Variants in ANKRD26 observed in about 807,000 individuals in gnomAD.
The protein encoded by ANKRD26 is ankyrin repeat domain 26.
In ANKRD26, 141 loss-of-function variants were observed where a neutral mutation model predicts 208.7. The ratio of observed to expected loss-of-function variants is 0.68; its 90% CI spans 0.59 to 0.78. The LOEUF is 0.78. ANKRD26 is among the 30% of genes least tolerant of loss of function. The pLI is 0.00. For synonymous variants in ANKRD26, 636 were observed against 660.4 expected (o/e 0.96, Z 0.57); for missense variants, 1,889 against 1,938.7 (o/e 0.97, Z 0.48).
chr10:26,965,723 A>C, the ANKRD26 span, among the ~76,000 whole-genome samples: 1 of 152,220 alleles, frequency 6.6e-6, no homozygotes, highest in African/African-American at 2.4e-5. Context: ...AATTTTTGTA[A>C]TCTACCCATC....
At chr10:26,953,558 C>T in the ANKRD26 span, among the ~76,000 whole-genome samples, 3 of 152,054 alleles carry the variant, frequency 2.0e-5, no homozygotes, top group African/African-American at 4.8e-5. Flanking sequence ...CTCTGGTAAG[C>T]ACATTTATTG....
rs1339157647 is a variant in ANKRD26, at chr10:27,004,179, G to A, written c.*1411C>T. 1 of 152,156 alleles carries A rather than the reference G, an allele frequency of 6.6e-6. No homozygotes were observed. The highest frequency in any genetic ancestry group is 2.4e-5 in the African/African-American group (1 of 41,420). 9.4% of individuals were successfully genotyped at this position (152,156 alleles called of 1,614,324 possible). The stretch of plus-strand genomic sequence containing the variant: ...TCATATTCATCTAGAAAGACAGGAG[G>A]AGAAGGGGGAGAAAGGATAAAGTAA... On this transcript the variant is annotated 3_prime_UTR_variant, in exon 34 of 34. Transcript: ENST00000376087.
At chr10:27,060,227 C>G (rs2055004038) in intron 15 of ANKRD26, 118 bp downstream of exon 15, 1 of 1,054,366 alleles carries the variant, frequency 9.5e-7, no homozygotes, top group Admixed American at 2.3e-5. Context: ...TTTTTTAAAT[C>G]CTTCCAACAA....
chr10:26,964,272 G>C, the ANKRD26 span, among the ~76,000 whole-genome samples: 1 of 152,066 alleles, frequency 6.6e-6, no homozygotes, highest in Admixed American at 6.6e-5. Flanking sequence ...AAGAAGCCAT[G>C]GGTACAGAAA....
chr10:27,079,080 G>A lies in ANKRD26; in HGVS notation c.813+9C>T, dbSNP rs766093819. The A allele has an allele frequency of 3.7e-6, 6 of 1,606,320 alleles. No individual in the cohort carries two copies. Among genetic ancestry groups the A allele is most frequent in the South Asian group, 3.3e-5 (3 of 90,894 alleles). Reference sequence around the variant, plus strand: ...GTAAGAAAATTAAGTTCATGAGAGAGCACTTTACCTTAGTATCAAAATTGA... The same window carrying A: ...GTAAGAAAATTAAGTTCATGAGAGAACACTTTACCTTAGTATCAAAATTGA... On this transcript the variant is annotated intron_variant, in intron 7 of 33. Transcript: ENST00000376087.
rs563928995 is a variant in ANKRD26 at position 27,051,775 on chromosome 10, T to C, written c.1635+1545A>G. The C allele has an allele frequency of 4.0e-5, 39 of 985,360 alleles. No homozygotes were observed. In the South Asian group the frequency reaches 9.9e-4, roughly 25 times the overall value. 61.0% of individuals were successfully genotyped at this position (985,360 alleles called of 1,614,324 possible). The stretch of plus-strand genomic sequence containing the variant: ...TCTTTTTCATCGCAATCAAGTATAT[T>C]ATTTGTCAAAGAAGAAGGTATTTCC... On this transcript the variant is annotated intron_variant, in intron 16 of 33. Transcript: ENST00000376087.
At position 27,079,075 on chromosome 10, in the gene ANKRD26, A is replaced by C; in HGVS notation, c.813+14T>G. On this transcript the variant is annotated intron_variant, in intron 7 of 33. Transcript: ENST00000376087. The stretch of plus-strand genomic sequence containing the variant: ...TCAGAGTAAGAAAATTAAGTTCATG[A>C]GAGAGCACTTTACCTTAGTATCAAA... 6.2e-7 allele frequency: 1 copy of C among 1,603,904 alleles called. No homozygotes were observed. The highest frequency in any genetic ancestry group is 8.5e-7 in the Non-Finnish European group (1 of 1,170,774).
At chr10:26,976,626 G>C (rs2052231041) in intron 5 of ANKRD26, among the ~76,000 whole-genome samples, 1 of 152,182 alleles carries the variant, frequency 6.6e-6, no homozygotes, top group South Asian at 2.1e-4. Context: ...TTCTGGAAGG[G>C]AGGGCGGTTT....
At chr10:26,951,789 G>A in the ANKRD26 span, among the ~76,000 whole-genome samples, 48,942 of 150,900 alleles carry the variant, frequency 0.32, 9,787 homozygotes, top group Non-Finnish European at 0.46. Flanking sequence ...CGGTGTATTA[G>A]TCATATCTCT....
chr10:27,071,691 C>G (rs1054960093), intron 9 of ANKRD26, among the ~76,000 whole-genome samples: 1 of 152,010 alleles, frequency 6.6e-6, no homozygotes, highest in Non-Finnish European at 1.5e-5. Context: ...AAAGAACAGG[C>G]GGGCAGCAGT....
chr10:27,033,503 A>T, intron 24 of ANKRD26, 126 bp from the exon 25 acceptor site: 1 of 959,256 alleles, frequency 1.0e-6, no homozygotes, highest in Non-Finnish European at 1.5e-6. Context: ...ACATACATTG[A>T]TTCACCTTCT....
chr10:27,099,863 C>CT (rs1233440510), intron 1 of ANKRD26, among the ~76,000 whole-genome samples: 2 of 128 alleles, frequency 0.016, no homozygotes, highest in Non-Finnish European at 0.031. Context: ...TAAGTGCTCT[C>CT]TAAGGGATTT....
chr10:27,017,785 T>C lies in ANKRD26; in HGVS notation c.4223A>G (p.Asp1408Gly), dbSNP rs1589221726. 1 of 1,612,270 alleles carries C rather than the reference T, an allele frequency of 6.2e-7. No individual in the cohort carries two copies. The highest frequency in any genetic ancestry group is 8.5e-7 in the Non-Finnish European group (1 of 1,179,716). The change falls in exon 30 of 34, where the codon GAT (aspartate) becomes GGT (glycine). Residue 1408 changes from aspartate to glycine, a missense_variant. Transcript: ENST00000376087. ...TGCAGTCTCCAGTTCTGCTGTAAGA[T>C]CATCAATCTGAATGAAGACAATAAT... is the stretch of plus-strand genomic sequence containing the variant. ...QINKLKHKID[D>G]LTAELETAGS...
downstream of ANKRD26, among the ~76,000 whole-genome samples, chr10:26,970,841 G>A (rs1388806478): frequency 6.6e-6 from 1 of 152,142 alleles, no homozygotes; most frequent in Non-Finnish European, 1.5e-5. Flanking sequence ...AGAAATATAA[G>A]AAAGACAGTA....
intron 9 of ANKRD26, among the ~76,000 whole-genome samples, 194 bp from the exon 10 acceptor site, chr10:27,067,480 G>A (rs1482083261): frequency 1.3e-5 from 2 of 151,952 alleles, no homozygotes; most frequent in Non-Finnish European, 2.9e-5. Context: ...AGGTTTCACT[G>A]GCTCATGGTT....
chr10:27,057,642 C>A (rs1488971865), intron 15 of ANKRD26, among the ~76,000 whole-genome samples: 3 of 152,064 alleles, frequency 2.0e-5, no homozygotes, highest in African/African-American at 7.2e-5. Flanking sequence ...AATTTATAGA[C>A]AAAATGATGG....
rs1255909280 is a variant in ANKRD26 at position 27,067,255 on chromosome 10, T to A, written c.1109A>T (p.Lys370Ile). The A allele has an allele frequency of 4.3e-6, 7 of 1,613,714 alleles. No individual in the cohort carries two copies. The highest frequency in any genetic ancestry group is 5.1e-6 in the Non-Finnish European group (6 of 1,179,958). ...EEPTKPGIAK[K>I]ENGIDIIESA... ...TTCAATAATATCAATACCATTTTCT[T>A]TTTTTGCAATGCCTGGCTTTGTTGG... The change falls in exon 10 of 34, where the codon AAA becomes ATA. Residue 370 changes from lysine (K) to isoleucine (I), a missense_variant. Physicochemically the swap from Lys to Ile is moderately radical, Grantham distance 102. Around this residue, in one of 3 missense-constraint regions of ANKRD26, gnomAD observed 1,272 missense variants for 1,273.8 expected, o/e 1.00. Transcript: ENST00000376087.
chr10:27,099,866 A>AG lies in ANKRD26; in HGVS notation c.242+218dup, dbSNP rs71386908. ...AAAATTGTCACTTAAGTGCTCTCTA[A>AG]GGGATTTCGGGGGGATCGGAAACCA... On this transcript the variant is annotated intron_variant, in intron 1 of 33. Coordinates refer to ENST00000376087, the MANE Select transcript of ANKRD26 (RefSeq NM_014915.3). Among the ~76,000 whole-genome samples the AG allele has an allele frequency of 1, 152,223 of 152,310 alleles. 76,068 individuals carry two copies. The highest frequency in any genetic ancestry group is 1 in the Middle Eastern group (294 of 294).
At chr10:26,963,238 A>G in the ANKRD26 span, among the ~76,000 whole-genome samples, 1 of 152,072 alleles carries the variant, frequency 6.6e-6, no homozygotes, top group Non-Finnish European at 1.5e-5. Flanking sequence ...ATAAGCCTTT[A>G]TTCTTTTCAC....
Sources: gnomAD v4.1 joint callset for allele counts (sites outside exome capture counted in the v4.1 genomes callset) on GRCh38, gnomAD v4.1.1 for gene constraint, gnomAD v4.1.1 regional missense constraint, MANE v1.5 for transcripts, NCBI Gene and HGNC (gene_info 2026-07-23, HGNC 2026-07-21) for gene names.